MAGI2: variants seen among roughly 807,000 people sequenced by gnomAD.
The protein encoded by MAGI2 is membrane-associated guanylate kinase, WW and PDZ domain-containing protein 2.
In MAGI2, 35 loss-of-function variants were observed where a neutral mutation model predicts 133.3. The ratio of observed to expected loss-of-function variants is 0.26; its 90% CI spans 0.20 to 0.35. MAGI2 has a LOEUF of 0.35. MAGI2 is among the 10% of genes least tolerant of loss of function. The pLI, the probability that MAGI2 is intolerant of heterozygous loss-of-function variation, is 1.00. For missense variants in MAGI2, 1,636 were observed against 1,863.4 expected (o/e 0.88, Z 2.25); for synonymous variants, 729 against 710.6 (o/e 1.03, Z -0.41).
intron 2 of MAGI2, among the ~76,000 whole-genome samples, chr7:78,992,957 T>C (rs1402153701): frequency 6.6e-6 from 1 of 152,122 alleles, no homozygotes; most frequent in Non-Finnish European, 1.5e-5. Flanking sequence ...ATTTAAATTA[T>C]GTTCTGAAAG....
At chr7:79,154,608 A>C (rs1329209001) in intron 1 of MAGI2, among the ~76,000 whole-genome samples, 2 of 152,182 alleles carry the variant, frequency 1.3e-5, no homozygotes, top group Non-Finnish European at 2.9e-5. Context: ...GAGAGATTTA[A>C]ATGCCAGACC....
At chr7:79,201,946 G>T (rs1440469416) in intron 1 of MAGI2, among the ~76,000 whole-genome samples, 3 of 151,752 alleles carry the variant, frequency 2.0e-5, no homozygotes, top group African/African-American at 7.3e-5. Context: ...GTACAAAAAT[G>T]GTTAGTCCTC....
chr7:78,635,843 T>C (rs756162070), intron 2 of MAGI2, among the ~76,000 whole-genome samples: 3 of 152,148 alleles, frequency 2.0e-5, no homozygotes. Flanking sequence ...CTTTGGCCAA[T>C]GCCTGTAATC....
At chr7:79,373,466 TAAG>T (rs1258839713) in intron 1 of MAGI2, among the ~76,000 whole-genome samples, 2 of 151,918 alleles carry the variant, frequency 1.3e-5, no homozygotes, top group African/African-American at 4.8e-5. Flanking sequence ...TAATTATGTA[TAAG>T]AAGAATTATC....
At chr7:78,023,190 C>G (rs979806435) in intron 21 of MAGI2, among the ~76,000 whole-genome samples, 4 of 152,226 alleles carry the variant, frequency 2.6e-5, no homozygotes, top group Admixed American at 6.5e-5. Context: ...GCCCTATCAC[C>G]TGCCTCAGCA....
chr7:78,595,964 A>G (rs1804548289), intron 3 of MAGI2, among the ~76,000 whole-genome samples: 2 of 152,296 alleles, frequency 1.3e-5, no homozygotes, highest in Admixed American at 1.3e-4. Context: ...TTTTGAATAG[A>G]GATCAAAAGA....
intron 3 of MAGI2, among the ~76,000 whole-genome samples, chr7:78,524,458 G>T (rs1344915671): frequency 6.6e-6 from 1 of 152,124 alleles, no homozygotes; most frequent in African/African-American, 2.4e-5. Flanking sequence ...CTGAAGGCTA[G>T]CTGTGCCAAT....
At chr7:79,399,075 ATTTC>A (rs1845265343) in intron 1 of MAGI2, among the ~76,000 whole-genome samples, 4 of 113,106 alleles carry the variant, frequency 3.5e-5, no homozygotes, top group East Asian at 6.9e-4. Flanking sequence ...CACTAGTATT[ATTTC>A]TTTTTTTTTT....
At chr7:78,725,926 A>C (rs1308387473) in intron 2 of MAGI2, among the ~76,000 whole-genome samples, 16 of 152,066 alleles carry the variant, frequency 1.1e-4, no homozygotes. Context: ...TATACTCCAA[A>C]CCCCCTTTAC....
intron 3 of MAGI2, among the ~76,000 whole-genome samples, chr7:78,621,688 AG>A (rs762557501): frequency 1.3e-5 from 2 of 152,032 alleles, no homozygotes; most frequent in Non-Finnish European, 2.9e-5. Context: ...AAGCACATTA[AG>A]CCCTTCCTTG....
chr7:79,315,204 G>A (rs983160616), intron 1 of MAGI2, among the ~76,000 whole-genome samples: 2 of 146,628 alleles, frequency 1.4e-5, no homozygotes, highest in African/African-American at 5.1e-5. Flanking sequence ...TGTTTTCCAA[G>A]CTAGAGTGCA....
At chr7:78,522,070 C>A (rs751536714) in intron 3 of MAGI2, among the ~76,000 whole-genome samples, 1 of 152,104 alleles carries the variant, frequency 6.6e-6, no homozygotes, top group Non-Finnish European at 1.5e-5. Flanking sequence ...AGGCAAAGCA[C>A]GTTCTGCTAT....
intron 1 of MAGI2, among the ~76,000 whole-genome samples, chr7:79,059,195 C>T (rs1165670458): frequency 2.0e-5 from 3 of 151,798 alleles, no homozygotes; most frequent in Non-Finnish European, 2.9e-5. Context: ...CTCATAATAT[C>T]CTGTGATTTT....
At chr7:79,044,288 C>T (rs554746919) in intron 1 of MAGI2, among the ~76,000 whole-genome samples, 1 of 152,210 alleles carries the variant, frequency 6.6e-6, no homozygotes, top group East Asian at 1.9e-4. Context: ...TAAATGTGAT[C>T]AATAAATGTG....
chr7:78,302,615 A>T (rs1041530942), intron 9 of MAGI2, among the ~76,000 whole-genome samples: 1 of 152,174 alleles, frequency 6.6e-6, no homozygotes, highest in Non-Finnish European at 1.5e-5. Context: ...GCTGCCATCC[A>T]TCCATCCACT....
chr7:78,536,159 C>T (rs1342939675), intron 3 of MAGI2, among the ~76,000 whole-genome samples: 1 of 112,846 alleles, frequency 8.9e-6, no homozygotes, highest in Admixed American at 1.3e-4. Context: ...GTCGCCCAGG[C>T]TGGAGTGCAG....
chr7:78,367,739 G>A (rs988548165), intron 7 of MAGI2, among the ~76,000 whole-genome samples: 2 of 152,116 alleles, frequency 1.3e-5, no homozygotes, highest in Non-Finnish European at 2.9e-5. Flanking sequence ...GGATGTAGTA[G>A]GCTTAGACAC....
At chr7:79,268,100 T>A (rs1403674527) in intron 1 of MAGI2, among the ~76,000 whole-genome samples, 7 of 152,130 alleles carry the variant, frequency 4.6e-5, no homozygotes. Flanking sequence ...TAAGAGAACT[T>A]CAGAGACAGA....
intron 2 of MAGI2, among the ~76,000 whole-genome samples, chr7:78,968,879 G>A (rs961502234): frequency 2.0e-5 from 3 of 152,198 alleles, no homozygotes; most frequent in Admixed American, 6.5e-5. Context: ...GCTAATACAG[G>A]AGTTATTAAG....
Sources: allele counts gnomAD v4.1 joint callset (sites outside exome capture counted in the v4.1 genomes callset), GRCh38; gene constraint gnomAD v4.1.1; transcripts MANE v1.5; gene names NCBI Gene and HGNC (gene_info 2026-07-23, HGNC 2026-07-21).